Variants in PRSS23 observed in about 807,000 individuals in gnomAD.
The protein encoded by PRSS23 is serine protease 23.
In PRSS23, 25 loss-of-function variants were observed where a neutral mutation model predicts 34.7. The observed-to-expected ratio is 0.72, with a 90% confidence interval of 0.53 to 1.01. PRSS23 has a LOEUF of 1.01. PRSS23 is among the 50% of genes least tolerant of loss of function. The pLI is 0.00. For synonymous variants in PRSS23, 176 were observed against 186.6 expected (o/e 0.94, Z 0.46); for missense variants, 445 against 475.6 (o/e 0.94, Z 0.60).
At chr11:86,833,632 T>C (rs1437813658) in intron 2 of PRSS23, among the ~76,000 whole-genome samples, 1 of 152,186 alleles carries the variant, frequency 6.6e-6, no homozygotes, top group Non-Finnish European at 1.5e-5. Flanking sequence ...AGGCCATAGA[T>C]GATTGGCTAT....
chr11:86,904,923 G>A (rs1333978241), intron 2 of PRSS23, among the ~76,000 whole-genome samples: 1 of 152,088 alleles, frequency 6.6e-6, no homozygotes, highest in African/African-American at 2.4e-5. Flanking sequence ...GGGCCTGGTG[G>A]TGCATGCCTG....
rs548153591 is a variant in PRSS23 at position 86,863,690 on chromosome 11, G to C, written c.206+40097G>C. Among the ~76,000 whole-genome samples, 5 of 152,224 alleles carry C rather than the reference G, an allele frequency of 3.3e-5. No individual in the cohort carries two copies. The South Asian group carries it at 8.3e-4, about 25-fold the overall frequency. ...ACTTTCCACTTACCAGATTTTCCTG[G>C]ACCTGTTTTCTCTTCTCCAGAATCC... is the stretch of plus-strand genomic sequence containing the variant. On this transcript the variant is annotated intron_variant, in intron 2 of 2. Transcript: ENST00000533902.
exon 3 of PRSS23, chr11:86,952,479 G>T: frequency 6.2e-7 from 1 of 1,610,924 alleles, no homozygotes; most frequent in Middle Eastern, 1.8e-4. Context: ...AACTGGAAAA[G>T]TAACAAAATG....
At chr11:86,877,747 G>A (rs1050618930) in intron 2 of PRSS23, among the ~76,000 whole-genome samples, 1 of 151,518 alleles carries the variant, frequency 6.6e-6, no homozygotes, top group African/African-American at 2.4e-5. Flanking sequence ...TTATTGCTTT[G>A]AAATCAGGAA....
intron 2 of PRSS23, chr11:86,837,654 C>T (rs1436572959): frequency 3.3e-5 from 5 of 152,194 alleles, no homozygotes; most frequent in Admixed American, 3.3e-4. Flanking sequence ...GTTGTCCCAG[C>T]TATTTGGGAG....
chr11:86,801,405 A>G (rs958372257), intron 1 of PRSS23, among the ~76,000 whole-genome samples: 2 of 152,238 alleles, frequency 1.3e-5, no homozygotes, highest in Non-Finnish European at 2.9e-5. Flanking sequence ...GCTTTCCAGC[A>G]CCTCAGGAGA....
chr11:86,842,921 T>C (rs1290921357), intron 2 of PRSS23, among the ~76,000 whole-genome samples: 1 of 152,186 alleles, frequency 6.6e-6, no homozygotes, highest in East Asian at 1.9e-4. Context: ...AAAAAACTAC[T>C]TTAAATTTCA....
chr11:86,894,006 G>A (rs1253409521), intron 2 of PRSS23, among the ~76,000 whole-genome samples: 1 of 152,064 alleles, frequency 6.6e-6, no homozygotes, highest in Non-Finnish European at 1.5e-5. Flanking sequence ...TTCCGTTTTT[G>A]TTTGTTTGTT....
intron 1 of PRSS23, chr11:86,821,839 G>A: frequency 2.0e-6 from 1 of 507,562 alleles, no homozygotes; most frequent in South Asian, 3.8e-5. Flanking sequence ...TGGGCCTATT[G>A]GCTCGATTTA....
chr11:86,833,358 C>T, intron 2 of PRSS23: 1 of 852,664 alleles, frequency 1.2e-6, no homozygotes, highest in African/African-American at 1.7e-5. Flanking sequence ...TGACTAGGTA[C>T]ATGAACAGGA....
At chr11:86,803,779 G>A (rs1286578166) in intron 1 of PRSS23, among the ~76,000 whole-genome samples, 1 of 152,066 alleles carries the variant, frequency 6.6e-6, no homozygotes, top group African/African-American at 2.4e-5. Flanking sequence ...ATGACCTAAG[G>A]ATTAGGTTTT....
Position 86,887,654 on chromosome 11 carries a change from G to A in PRSS23, c.207-63562G>A, listed in dbSNP as rs59816478. ...CAATTCCACACATAATAATTACCGTGCACCTACGTTATTTCTGTCTTCGAG... is the reference window on the plus strand; with the variant it reads ...CAATTCCACACATAATAATTACCGTACACCTACGTTATTTCTGTCTTCGAG... On this transcript the variant is annotated intron_variant, in intron 2 of 2. Coordinates refer to the PRSS23 transcript ENST00000533902. 8.4e-3 allele frequency among the ~76,000 whole-genome samples: 1,278 copies of A among 152,260 alleles called. 14 individuals carry two copies. The highest frequency in any genetic ancestry group is 0.029 in the African/African-American group (1,225 of 41,554).
At chr11:86,913,111 C>T (rs1432979614) in intron 2 of PRSS23, among the ~76,000 whole-genome samples, 2 of 152,002 alleles carry the variant, frequency 1.3e-5, no homozygotes, top group African/African-American at 2.4e-5. Flanking sequence ...TTTGGGCTCC[C>T]TTTCCATTGT....
chr11:86,834,438 C>T (rs941624336), intron 2 of PRSS23, among the ~76,000 whole-genome samples: 15 of 152,134 alleles, frequency 9.9e-5, no homozygotes, highest in African/African-American at 3.4e-4. Flanking sequence ...CTTCTATAAG[C>T]ATTTCTAATG....
Position 86,808,264 on chromosome 11 carries a change from C to T in PRSS23, c.621C>T (p.Asn207=), listed in dbSNP as rs144958722. ...PKFKDGGRGA[N]DSTSAMPEQM... ...TTAAAGATGGTGGTCGAGGGGCCAACGACTCCACTTCAGCCATGCCCGAGC... is the reference window on the plus strand; with the variant it reads ...TTAAAGATGGTGGTCGAGGGGCCAATGACTCCACTTCAGCCATGCCCGAGC... Residue 207 remains asparagine, a synonymous_variant, in exon 2 of 2, where the codon AAC becomes AAT. Coordinates refer to ENST00000280258, the MANE Select transcript of PRSS23 (RefSeq NM_007173.6). 3.6e-5 allele frequency: 58 copies of T among 1,613,960 alleles called. 1 individual carries two copies. The highest frequency in any genetic ancestry group is 4.8e-5 in the Non-Finnish European group (57 of 1,180,044).
At chr11:86,803,366 G>A (rs1327245368) in intron 1 of PRSS23, among the ~76,000 whole-genome samples, 3 of 152,170 alleles carry the variant, frequency 2.0e-5, no homozygotes, top group Non-Finnish European at 2.9e-5. Flanking sequence ...GTGGGATTAT[G>A]AATGTTTTCA....
At position 86,881,255 on chromosome 11, in the gene PRSS23, C is replaced by CT. The variant is rs60383309; in HGVS notation, c.206+57678dup. Among the ~76,000 whole-genome samples the CT allele has an allele frequency of 4.3e-3, 594 of 138,044 alleles. 2 individuals are homozygous for CT. The highest frequency in any genetic ancestry group is 8.7e-3 in the South Asian group (37 of 4,272). 90.6% of individuals were successfully genotyped at this position (138,044 alleles called of 152,430 possible). ...CAGGTAGAAGAAACTTTGTTGAGTG[C>CT]TTTTTTTTTTTTTTTTATCATGAAA... On this transcript the variant is annotated intron_variant, in intron 2 of 2. Coordinates refer to the PRSS23 transcript ENST00000533902.
chr11:86,893,392 C>T (rs1356876704), intron 2 of PRSS23, among the ~76,000 whole-genome samples: 4 of 152,210 alleles, frequency 2.6e-5, no homozygotes, highest in African/African-American at 9.6e-5. Flanking sequence ...GTGTTATGCA[C>T]TATGATAAAT....
At position 86,810,041 on chromosome 11, in the gene PRSS23, A is replaced by G. The variant is rs934094072; in HGVS notation, c.*1246A>G. ...CTAGGTTATAGATAAACAATTAGGT[A>G]TAATAGCAAAAATGAAAATTGGAAG... On this transcript the variant is annotated 3_prime_UTR_variant, in exon 2 of 2. Coordinates refer to ENST00000280258, the MANE Select transcript of PRSS23 (RefSeq NM_007173.6). 1 of 166,820 alleles carries G rather than the reference A, an allele frequency of 6.0e-6. No homozygotes were observed. Among genetic ancestry groups the G allele is most frequent in the Non-Finnish European group, 1.5e-5 (1 of 68,126 alleles). 10.3% of individuals were successfully genotyped at this position (166,820 alleles called of 1,614,324 possible).
Sources: gnomAD v4.1 joint callset for allele counts (sites outside exome capture counted in the v4.1 genomes callset) on GRCh38, gnomAD v4.1.1 for gene constraint, MANE v1.5 for transcripts, NCBI Gene and HGNC (gene_info 2026-07-23, HGNC 2026-07-21) for gene names.